The following EIF1AX variants were observed in gnomAD, a reference collection of about 807,000 sequenced individuals.
EIF1AX encodes the protein eukaryotic translation initiation factor 1A, X-chromosomal.
A neutral mutation model predicts 16.1 loss-of-function variants in EIF1AX; 1 was observed. That is an observed-to-expected ratio of 0.06 (90% confidence interval 0.02 to 0.30). EIF1AX has a LOEUF of 0.30. Among genes scored for constraint, EIF1AX ranks in the 10% least tolerant of loss-of-function variants. The probability of loss-of-function intolerance (pLI) is 1.00; values close to 1 mark genes in which losing one functional copy is unlikely to be tolerated. For missense variants in EIF1AX, 11 were observed against 109.1 expected, an observed-to-expected ratio of 0.10 and a Z score of 4.00; for synonymous variants, 32 against 37.3, an observed-to-expected ratio of 0.86 and a Z score of 0.51.
At position 20,141,613 on chromosome X, in the gene EIF1AX, G is replaced by C. The variant is rs1302292292; in HGVS notation, c.16+12C>G. Reference sequence around the variant, plus strand: ...GAGCAGAGCCGTGGTCCGGGGGTCCGGGCGGCATTACCTTTATTCTTGGGC... The same window carrying C: ...GAGCAGAGCCGTGGTCCGGGGGTCCCGGCGGCATTACCTTTATTCTTGGGC... On this transcript the variant is annotated intron_variant, in intron 1 of 6. Coordinates refer to ENST00000379607, the MANE Select transcript of EIF1AX (RefSeq NM_001412.4). 3.5e-6 allele frequency: 4 copies of C among 1,155,387 alleles called. No individual in the cohort carries two copies. Among genetic ancestry groups the C allele is most frequent in the Non-Finnish European group, 4.6e-6 (4 of 866,550 alleles).
intron 2 of EIF1AX, among the ~76,000 whole-genome samples, chrX:20,137,172 C>A (rs941387628): frequency 1.8e-5 from 2 of 111,873 alleles, no homozygotes; most frequent in African/African-American, 6.5e-5. Context: ...GGGCTAGGTG[C>A]GGTGGCTCAC....
At chrX:20,129,040 T>A (rs111992396) in intron 6 of EIF1AX, among the ~76,000 whole-genome samples, 1 of 111,075 alleles carries the variant, frequency 9.0e-6, no homozygotes, top group African/African-American at 3.3e-5. Context: ...TACCAAAGAA[T>A]AGAATTGTTA....
chrX:20,132,310 T>C, intron 4 of EIF1AX, 47 bp from the exon 5 acceptor site: 1 of 809,029 alleles, frequency 1.2e-6, no homozygotes, highest in Non-Finnish European at 1.8e-6. Context: ...TAACAAAATA[T>C]TATCAGTTAT....
chrX:20,141,490 T>G, intron 1 of EIF1AX, 135 bp downstream of exon 1: 1 of 745,432 alleles, frequency 1.3e-6, no homozygotes, highest in Non-Finnish European at 1.9e-6. Flanking sequence ...GAGTCGCGTG[T>G]GGGGCGCCCA....
Position 20,141,604 on chromosome X carries a change from CG to C in EIF1AX, c.16+20del. On this transcript the variant is annotated intron_variant, in intron 1 of 6. Coordinates refer to ENST00000379607, the MANE Select transcript of EIF1AX (RefSeq NM_001412.4). ...GACCCGGCCGAGCAGAGCCGTGGTC[CG>C]GGGGTCCGGGCGGCATTACCTTTAT... The C allele has an allele frequency of 8.7e-7, 1 of 1,152,200 alleles. No homozygotes were observed. Among genetic ancestry groups the C allele is most frequent in the Non-Finnish European group, 1.2e-6 (1 of 864,727 alleles). 95.0% of individuals were successfully genotyped at this position (1,152,200 alleles called of 1,213,427 possible).
At chrX:20,135,459 AG>A (rs1371020066) in intron 3 of EIF1AX, among the ~76,000 whole-genome samples, 3 of 110,891 alleles carry the variant, frequency 2.7e-5, no homozygotes, top group African/African-American at 9.8e-5. Context: ...AAAAAAGACA[AG>A]GAAAAAAAAA....
In EIF1AX at chrX:20,133,990, C is replaced by A; in HGVS notation, c.222G>T (p.Ser74=). The A allele has an allele frequency of 8.3e-7, 1 of 1,200,154 alleles. No individual in the cohort carries two copies. Residue 74 remains serine (S), a synonymous_variant, in exon 4 of 7, where the codon TCG becomes TCT. Transcript: ENST00000379607. Reference sequence around the variant, plus strand: ...CTCGGAGACCAACCAAAATAATGTCCGAGGTATTTATCCAAACCTACAAAA... The same window carrying A: ...CTCGGAGACCAACCAAAATAATGTCAGAGGTATTTATCCAAACCTACAAAA... ...KLRKKVWINT[S]DIILVGLRDY...
chrX:20,134,812 AT>A (rs1360854612), intron 3 of EIF1AX, among the ~76,000 whole-genome samples: 2 of 112,465 alleles, frequency 1.8e-5, no homozygotes, highest in Non-Finnish European at 3.8e-5. Context: ...ATTAAAAAAA[AT>A]AAATACAAAA....
intron 6 of EIF1AX, among the ~76,000 whole-genome samples, chrX:20,130,217 C>T (rs1441544960): frequency 2.0e-5 from 2 of 98,266 alleles, no homozygotes; most frequent in Admixed American, 2.3e-4. Flanking sequence ...GCAGGAGAAT[C>T]GCTTGAACCC....
chrX:20,131,066 T>C (rs770166452), intron 5 of EIF1AX, among the ~76,000 whole-genome samples: 2 of 112,008 alleles, frequency 1.8e-5, no homozygotes, highest in South Asian at 3.7e-4. Context: ...AGGACTTTCA[T>C]GCTTAAGTAA....
chrX:20,137,057 TTA>T (rs1240616227), intron 2 of EIF1AX, among the ~76,000 whole-genome samples: 1 of 111,740 alleles, frequency 8.9e-6, no homozygotes, highest in Non-Finnish European at 1.9e-5. Flanking sequence ...TCTCTTCTAG[TTA>T]TATAAGAAAA....
Position 20,135,728 on chromosome X carries a change from T to C in EIF1AX, c.204+10A>G, listed in dbSNP as rs1282376842. The C allele has an allele frequency of 8.6e-7, 1 of 1,166,076 alleles. No individual in the cohort carries two copies. Among genetic ancestry groups the C allele is most frequent in the Non-Finnish European group, 1.2e-6 (1 of 854,537 alleles). On this transcript the variant is annotated intron_variant, in intron 3 of 6. Transcript: ENST00000379607. ...CAATTTTATATTAAAGTAAAACAAA[T>C]CACACCTACCTTTTTTCTCAATTTT...
rs1444474530 is a variant in EIF1AX at position 20,128,181 on chromosome X, A to G, written c.*125T>C. 2 of 635,287 alleles carry G rather than the reference A, an allele frequency of 3.1e-6. No individual in the cohort carries two copies. Among genetic ancestry groups the G allele is most frequent in the African/African-American group, 4.7e-5 (2 of 42,801 alleles). The allele number at this position is 635,287 out of a possible 1,213,427, so 52.4% of individuals were successfully genotyped here. A position where few individuals can be genotyped will look rare whatever the true frequency, so the allele number is the denominator to read the frequency against. On this transcript the variant is annotated 3_prime_UTR_variant, in exon 7 of 7. Transcript: ENST00000379607. Reference sequence around the variant, plus strand: ...TAAAAAAACCAAAAATATCTTAGAAACAAATCAGTCTGCTTTAACAAATTG... The same window carrying G: ...TAAAAAAACCAAAAATATCTTAGAAGCAAATCAGTCTGCTTTAACAAATTG...
In EIF1AX at chrX:20,141,569, G is replaced by C. The variant is rs1198484860; in HGVS notation, c.16+56C>G. On this transcript the variant is annotated intron_variant, in intron 1 of 6. Coordinates refer to ENST00000379607, the MANE Select transcript of EIF1AX (RefSeq NM_001412.4). Reference sequence around the variant, plus strand: ...CTGGGTGACCTGCAATCTACGGGCAGGACCTGGGAGACCCGGCCGAGCAGA... The same window carrying C: ...CTGGGTGACCTGCAATCTACGGGCACGACCTGGGAGACCCGGCCGAGCAGA... The C allele has an allele frequency of 8.8e-6, 10 of 1,136,990 alleles. No homozygotes were observed. The South Asian group carries it at 1.4e-4, about 16-fold the overall frequency. The allele number at this position is 1,136,990 out of a possible 1,213,427, so 93.7% of individuals were successfully genotyped here.
chrX:20,133,511 GTTTT>G (rs61391912), intron 4 of EIF1AX, among the ~76,000 whole-genome samples: 12 of 101,864 alleles, frequency 1.2e-4, no homozygotes, highest in African/African-American at 3.9e-4. Context: ...TTTATTCTGG[GTTTT>G]TTTTTTTTTT....
Position 20,124,637 on chromosome X carries a change from G to A in EIF1AX, c.*3669C>T, listed in dbSNP as rs2066978912. ...CTAAATCAGTTAGTACTAATTAGCT[G>A]TCATGAATCTATAGTAAAAGGAATC... is the stretch of plus-strand genomic sequence containing the variant. On this transcript the variant is annotated 3_prime_UTR_variant, in exon 7 of 7. Coordinates refer to ENST00000379607, the MANE Select transcript of EIF1AX (RefSeq NM_001412.4). The A allele has an allele frequency of 6.7e-6, 1 of 148,791 alleles. No homozygotes were observed. The highest frequency in any genetic ancestry group is 3.3e-4 in the South Asian group (1 of 3,015). The allele number at this position is 148,791 out of a possible 1,213,427, so 12.3% of individuals were successfully genotyped here.
intron 2 of EIF1AX, among the ~76,000 whole-genome samples, chrX:20,138,167 G>A (rs2067023528): frequency 9.2e-6 from 1 of 108,129 alleles, no homozygotes; most frequent in Non-Finnish European, 1.9e-5. Flanking sequence ...ACCACACCCA[G>A]CTAATTTTTG....
At chrX:20,138,741 A>C (rs1454540136) in intron 1 of EIF1AX, 119 bp from the exon 2 acceptor site, 1 of 496,877 alleles carries the variant, frequency 2.0e-6, no homozygotes, top group African/African-American at 2.5e-5. Context: ...TAAATTAAAA[A>C]ATTCATCTAT....
chrX:20,140,312 C>T (rs748578586), intron 1 of EIF1AX: 2 of 112,124 alleles, frequency 1.8e-5, no homozygotes, highest in East Asian at 5.6e-4. Flanking sequence ...GAGATTAAGA[C>T]AGATACTATT....
Sources: gnomAD v4.1 joint callset for allele counts (sites outside exome capture counted in the v4.1 genomes callset) on GRCh38, gnomAD v4.1.1 for gene constraint, MANE v1.5 for transcripts, NCBI Gene and HGNC (gene_info 2026-07-23, HGNC 2026-07-21) for gene names.